Variants in PKP3 observed in about 807,000 individuals in gnomAD.
The protein encoded by PKP3 is plakophilin 3.
Under a neutral mutation model 76.5 loss-of-function variants are expected in PKP3, and 66 were observed. The ratio of observed to expected loss-of-function variants is 0.86; its 90% CI spans 0.71 to 1.06. The LOEUF is 1.06. Ranked by LOEUF, PKP3 falls within the 50% of genes least tolerant of loss-of-function variation. PKP3 has a pLI of 0.00. For missense variants in PKP3, 1,338 were observed against 1,141.0 expected, an observed-to-expected ratio of 1.17 and a Z score of -2.49; for synonymous variants, 638 against 516.5, an observed-to-expected ratio of 1.24 and a Z score of -3.19.
At chr11:394,203 G>C, upstream of PKP3, 1 of 1,382,914 alleles carries the variant, frequency 7.2e-7, no homozygotes, top group Non-Finnish European at 9.3e-7. Context: ...GCTGGGCGGG[G>C]ACTTCAGGGA....
intron 4 of PKP3, among the ~76,000 whole-genome samples, chr11:398,314 G>A (rs1448366177): frequency 3.9e-5 from 1 of 25,750 alleles, no homozygotes; most frequent in Non-Finnish European, 6.1e-5. Flanking sequence ...ACACACCTGC[G>A]TCACCTCCGT....
chr11:396,679 A>G lies in PKP3; in HGVS notation c.304A>G (p.Lys102Glu). The G allele has an allele frequency of 6.2e-7, 1 of 1,610,632 alleles. No homozygotes were observed. The highest frequency in any genetic ancestry group is 8.5e-7 in the Non-Finnish European group (1 of 1,178,746). The change falls in exon 2 of 13, where the codon AAG (lysine) becomes GAG (glutamate). Residue 102 changes from lysine to glutamate, a missense_variant. Transcript: ENST00000331563. ...TCGCTCTCAGGGCCTGAGTGGGGAC[A>G]AGACCTCGGTGAGCGATGGGCCCAG... ...SSRSQGLSGDKTSGFRPIAKP... is the reference protein window; with the variant it reads ...SSRSQGLSGDETSGFRPIAKP...
Position 396,915 on chromosome 11 carries a change from C to G in PKP3, c.414C>G (p.Asn138Lys), listed in dbSNP as rs12419281. ...GTCGGAGGCTGAGTTCAGCCCACAA[C>G]GGGGGCAGCGCCTTTGGGGCCGCTG... The part of the protein sequence containing the change: ...SCSRRLSSAH[N>K]GGSAFGAAGY... The change falls in exon 3 of 13, where the codon AAC becomes AAG. Residue 138 changes from asparagine (N) to lysine (K), a missense_variant. Coordinates refer to ENST00000331563, the MANE Select transcript of PKP3 (RefSeq NM_007183.4). The G allele has an allele frequency of 8.0e-4, 1,273 of 1,593,520 alleles. 1 individual carries two copies. Among genetic ancestry groups the G allele is most frequent in the Non-Finnish European group, 9.5e-4 (1,117 of 1,173,240 alleles).
In PKP3 at chr11:396,820, C is replaced by G. The variant is rs768428945; in HGVS notation, c.319C>G (p.Arg107Gly). 1 of 1,585,804 alleles carries G rather than the reference C, an allele frequency of 6.3e-7. No homozygotes were observed. ...GCCCCCTCTCGACCCACAGGGCTTC[C>G]GGCCCATCGCCAAGCCGGCCTACAG... is the stretch of plus-strand genomic sequence containing the variant. ...GLSGDKTSGFRPIAKPAYSPA... is the reference protein window; with the variant it reads ...GLSGDKTSGFGPIAKPAYSPA... The change falls in exon 3 of 13, where the codon CGG becomes GGG. Residue 107 changes from arginine to glycine, a missense_variant. By Grantham distance (125) the Arg-to-Gly change is moderately radical (BLOSUM62 -2). Coordinates refer to ENST00000331563, the MANE Select transcript of PKP3 (RefSeq NM_007183.4).
chr11:399,569 CCTCCTCTGCCTGTCCTCT>C (rs1847115772), intron 5 of PKP3, among the ~76,000 whole-genome samples: 1 of 103,136 alleles, frequency 9.7e-6, no homozygotes, highest in African/African-American at 4.1e-5. Flanking sequence ...TCCTCCTGTC[CCTCCTCTGCCTGTCCTCT>C]CTCCTCCGTT....
In PKP3 at chr11:404,567, T is replaced by C. The variant is rs1564883788; in HGVS notation, c.2392T>C (p.Ter798GlnextTer?). ...TCGGAAGGAGGACTTCCTGGGCCCATAGGTGAAGCCTTCTGGAGGAGAAGG... is the reference window on the plus strand; with the variant it reads ...TCGGAAGGAGGACTTCCTGGGCCCACAGGTGAAGCCTTCTGGAGGAGAAGG... ...GYRKEDFLGP* is the reference protein window; with the variant it reads ...GYRKEDFLGPQ Residue 798 changes from the stop codon to glutamine, a stop_lost, in exon 13 of 13, where the codon TAG (stop) becomes CAG (glutamine). Coordinates refer to ENST00000331563, the MANE Select transcript of PKP3 (RefSeq NM_007183.4). The surrounding 1 kb of genome is among the most constrained non-coding windows in gnomAD (Gnocchi z 4.2). The C allele has an allele frequency of 6.2e-7, 1 of 1,610,750 alleles. No homozygotes were observed. The highest frequency in any genetic ancestry group is 1.1e-5 in the South Asian group (1 of 91,040).
Position 400,359 on chromosome 11 carries a change from A to G in PKP3, c.1474A>G (p.Thr492Ala), listed in dbSNP as rs770610083. The change falls in exon 7 of 13, where the codon ACT becomes GCT. Residue 492 changes from threonine (T) to alanine (A), a missense_variant. By Grantham distance (58) the Thr-to-Ala change is moderately conservative. Transcript: ENST00000331563. The part of the protein sequence containing the change: ...LRNLSSASQA[T>A]RQKMRECHGL... ...GAACCTCAGCTCAGCCTCTCAGGCC[A>G]CTCGCCAGAAGATGCGGGAGTGCCA... 1 of 1,549,644 alleles carries G rather than the reference A, an allele frequency of 6.5e-7. No individual in the cohort carries two copies. The highest frequency in any genetic ancestry group is 1.2e-5 in the South Asian group (1 of 84,100).
Position 400,076 on chromosome 11 carries a change from TCCCC to T in PKP3, c.1387_1390del (p.Pro463SerfsTer183). ...TGAGCCCCCTGTCGGGGGCTGGGGG[TCCCC>T]CCCTCATCCAGCAGAACGCCTCGGA... On this transcript the variant is annotated frameshift_variant, in exon 6 of 13. Coordinates refer to ENST00000331563, the MANE Select transcript of PKP3 (RefSeq NM_007183.4). LOFTEE classifies it high-confidence loss of function. The T allele has an allele frequency of 6.3e-7, 1 of 1,595,250 alleles. No individual in the cohort carries two copies. Among genetic ancestry groups the T allele is most frequent in the South Asian group, 1.1e-5 (1 of 89,046 alleles).
Position 397,146 on chromosome 11 carries a change from C to T in PKP3, c.645C>T (p.Tyr215=), listed in dbSNP as rs886857505. 1.5e-5 allele frequency: 24 copies of T among 1,597,770 alleles called. No homozygotes were observed. The highest frequency in any genetic ancestry group is 1.7e-4 in the Middle Eastern group (1 of 6,044). Residue 215 remains tyrosine, a synonymous_variant, in exon 3 of 13, where the codon TAC becomes TAT. Transcript: ENST00000331563. The part of the protein sequence containing the change: ...AATSTYRAFA[Y]ERQASSSSSR... ...CCTCCACCTACAGGGCCTTTGCGTA[C>T]GAGCGCCAGGCCAGCTCCAGCTCCA...
At chr11:403,033 G>C in intron 8 of PKP3, 45 bp from the exon 9 acceptor site, 2 of 564,052 alleles carry the variant, frequency 3.5e-6, no homozygotes, top group Non-Finnish European at 4.3e-6. Context: ...CGCTCACCCC[G>C]ACCCGCTCAC....
rs377573591 is a variant in PKP3, at chr11:397,452, G to A, written c.944+7G>A. 5.9e-5 allele frequency: 95 copies of A among 1,611,884 alleles called. No homozygotes were observed. Among genetic ancestry groups the A allele is most frequent in the Non-Finnish European group, 7.0e-5 (83 of 1,179,596 alleles). On this transcript the variant is annotated splice_region_variant and intron_variant, in intron 3 of 12. Coordinates refer to ENST00000331563, the MANE Select transcript of PKP3 (RefSeq NM_007183.4). ...TGCAGAGACTCAGCAGCGGGTGAGC[G>A]GCTGGGCCCGGCTCAGGGAGGGGGC...
chr11:394,845 G>A (rs1041639762), intron 1 of PKP3, among the ~76,000 whole-genome samples: 2 of 152,204 alleles, frequency 1.3e-5, no homozygotes, highest in Non-Finnish European at 2.9e-5. Flanking sequence ...CGGCAAACCC[G>A]GAACACGCAC....
chr11:399,122 TGGA>T lies in PKP3; in HGVS notation c.1204_1206del (p.Glu402del), dbSNP rs761664903. 16 of 1,611,970 alleles carry T rather than the reference TGGA, an allele frequency of 9.9e-6. No homozygotes were observed. The highest frequency in any genetic ancestry group is 3.3e-4 in the Middle Eastern group (2 of 6,054). On this transcript the variant is annotated inframe_deletion, in exon 5 of 13. Coordinates refer to ENST00000331563, the MANE Select transcript of PKP3 (RefSeq NM_007183.4). ...AACGCTGACAACAAGCTGGCCCTGG[TGGA>T]GGAGAACGGGATCTTCGAGCTGCTG...
At chr11:394,142 G>A, upstream of PKP3, 2 of 1,224,590 alleles carry the variant, frequency 1.6e-6, no homozygotes, top group Non-Finnish European at 2.1e-6. Flanking sequence ...GCCCCCAGCT[G>A]CGCTCAGGGC....
In PKP3 at chr11:404,026, A is replaced by G; in HGVS notation, c.2161A>G (p.Ile721Val). 1 of 1,612,446 alleles carries G rather than the reference A, an allele frequency of 6.2e-7. No individual in the cohort carries two copies. Among genetic ancestry groups the G allele is most frequent in the Non-Finnish European group, 8.5e-7 (1 of 1,179,746 alleles). Residue 721 changes from isoleucine to valine, a missense_variant, in exon 11 of 13, where the codon ATC (isoleucine) becomes GTC (valine). Coordinates refer to ENST00000331563, the MANE Select transcript of PKP3 (RefSeq NM_007183.4). The surrounding 1 kb of genome is among the most constrained non-coding windows in gnomAD (Gnocchi z 4.2). ...KSPPAEVLVN[I>V]IAVLNNLVVA... ...GCCCCCAGCCGAGGTGCTGGTCAAC[A>G]TCATAGCTGTGCTCAACAACCTGGT...
rs899575816 is a variant in PKP3 at position 396,808 on chromosome 11, C to T, written c.313-6C>T. 1.9e-6 allele frequency: 3 copies of T among 1,578,208 alleles called. No homozygotes were observed. Among genetic ancestry groups the T allele is most frequent in the Non-Finnish European group, 2.6e-6 (3 of 1,166,396 alleles). On this transcript the variant is annotated splice_region_variant and splice_polypyrimidine_tract_variant and intron_variant, in intron 2 of 12. Transcript: ENST00000331563. Reference sequence around the variant, plus strand: ...CACGCCCTCACCGCCCCCTCTCGACCCACAGGGCTTCCGGCCCATCGCCAA... The same window carrying T: ...CACGCCCTCACCGCCCCCTCTCGACTCACAGGGCTTCCGGCCCATCGCCAA...
At chr11:399,220 C>A in intron 5 of PKP3, 24 bp downstream of exon 5, 2 of 1,494,242 alleles carry the variant, frequency 1.3e-6, no homozygotes, top group Non-Finnish European at 1.8e-6. Flanking sequence ...CCTCCTCCAC[C>A]TGTCCTTCCT....
At chr11:395,634 G>C (rs942657205) in intron 1 of PKP3, among the ~76,000 whole-genome samples, 5 of 152,228 alleles carry the variant, frequency 3.3e-5, no homozygotes, top group African/African-American at 1.2e-4. Context: ...GCGTCAGAGG[G>C]TTAATAGCCC....
chr11:397,118 C>T lies in PKP3; in HGVS notation c.617C>T (p.Ala206Val), dbSNP rs1320388910. Residue 206 changes from alanine (A) to valine (V), a missense_variant, in exon 3 of 13, where the codon GCC becomes GTC. By Grantham distance (64) the Ala-to-Val change is moderately conservative. Transcript: ENST00000331563. Reference protein sequence around the residue: ...SLVSEQLEPAATSTYRAFAYE... With the variant: ...SLVSEQLEPAVTSTYRAFAYE... ...GTGTCTGAGCAGCTGGAGCCCGCGG[C>T]CACCTCCACCTACAGGGCCTTTGCG... 1 of 1,597,654 alleles carries T rather than the reference C, an allele frequency of 6.3e-7. No homozygotes were observed. The highest frequency in any genetic ancestry group is 8.5e-7 in the Non-Finnish European group (1 of 1,179,206).
Sources: allele counts gnomAD v4.1 joint callset (sites outside exome capture counted in the v4.1 genomes callset), GRCh38; gene constraint gnomAD v4.1.1; non-coding constraint Gnocchi (gnomAD v3.1); transcripts MANE v1.5; gene names NCBI Gene and HGNC (gene_info 2026-07-23, HGNC 2026-07-21).